MCC: variants seen among roughly 807,000 people sequenced by gnomAD.
MCC encodes MCC regulator of Wnt signaling pathway, also known as colorectal mutant cancer protein.
In MCC, 90 loss-of-function variants were observed where a neutral mutation model predicts 116.2. The ratio of observed to expected loss-of-function variants is 0.77; its 90% confidence interval spans 0.65 to 0.92. The LOEUF is 0.92. Among genes scored for constraint, MCC ranks in the 40% least tolerant of loss-of-function variants. The pLI is 0.00. For synonymous variants in MCC, 578 were observed against 510.5 expected (o/e 1.13, Z -1.78); for missense variants, 1,516 against 1,312.2 (o/e 1.16, Z -2.40).
intron 3 of MCC, among the ~76,000 whole-genome samples, chr5:113,223,197 C>T (rs1050685814): frequency 2.0e-5 from 3 of 152,280 alleles, no homozygotes; most frequent in East Asian, 1.9e-4. Context: ...TATCATGCAA[C>T]GTCTCATGTG....
intron 3 of MCC, among the ~76,000 whole-genome samples, chr5:113,317,237 T>C (rs1437855693): frequency 6.6e-6 from 1 of 152,210 alleles, no homozygotes; most frequent in Non-Finnish European, 1.5e-5. Context: ...CACTTTAGCA[T>C]ATGAATTAAA....
intron 1 of MCC, among the ~76,000 whole-genome samples, chr5:113,441,486 T>C (rs549092463): frequency 6.6e-6 from 1 of 151,608 alleles, no homozygotes; most frequent in African/African-American, 2.4e-5. Context: ...CTCTATCACT[T>C]ATTATTTTTT....
At chr5:113,334,751 C>T (rs911221252) in intron 3 of MCC, among the ~76,000 whole-genome samples, 4 of 150,960 alleles carry the variant, frequency 2.6e-5, no homozygotes, top group Admixed American at 6.6e-5. Flanking sequence ...CCACCACACC[C>T]GGCTAATTTT....
chr5:113,364,348 T>A (rs1208727459), intron 2 of MCC, among the ~76,000 whole-genome samples: 1 of 141,870 alleles, frequency 7.0e-6, no homozygotes, highest in Non-Finnish European at 1.5e-5. Context: ...TCCAAAATAA[T>A]CTCCTTTGAC....
chr5:113,440,906 G>A (rs1484286717), intron 1 of MCC, among the ~76,000 whole-genome samples: 1 of 152,210 alleles, frequency 6.6e-6, no homozygotes, highest in Non-Finnish European at 1.5e-5. Context: ...ATCATAGTGT[G>A]ACAGGGACAA....
At chr5:113,332,530 T>A (rs1029135374) in intron 3 of MCC, among the ~76,000 whole-genome samples, 1 of 139,052 alleles carries the variant, frequency 7.2e-6, no homozygotes, top group African/African-American at 2.8e-5. Flanking sequence ...AGCCAGTGCA[T>A]TCCAGCATGG....
In MCC at chr5:113,039,531, A is replaced by G. The variant is rs78692055; in HGVS notation, c.2756+3999T>C. Among the ~76,000 whole-genome samples, 1,127 of 152,342 alleles carry G rather than the reference A, an allele frequency of 7.4e-3. 19 individuals carry two copies. The highest frequency in any genetic ancestry group is 0.026 in the African/African-American group (1,081 of 41,574). ...GTTTCTCACTGCCCAGACCAGCCAC[A>G]CAGCAGGTAGTCTTCAGATAAACGA... On this transcript the variant is annotated intron_variant, in intron 17 of 18. Transcript: ENST00000408903.
chr5:113,136,300 G>C (rs947497922), intron 5 of MCC, among the ~76,000 whole-genome samples: 13 of 152,102 alleles, frequency 8.5e-5, no homozygotes, highest in Admixed American at 7.9e-4. Flanking sequence ...TCCTGAAGAA[G>C]TCTGCTTTTA....
At chr5:113,403,528 T>C (rs918231344) in intron 1 of MCC, among the ~76,000 whole-genome samples, 1 of 152,206 alleles carries the variant, frequency 6.6e-6, no homozygotes, top group African/African-American at 2.4e-5. Context: ...ACAAATCATA[T>C]CACAGATTAT....
At chr5:113,054,300 A>G (rs894547248) in intron 14 of MCC, among the ~76,000 whole-genome samples, 1 of 152,252 alleles carries the variant, frequency 6.6e-6, no homozygotes, top group Non-Finnish European at 1.5e-5. Context: ...AAGGAGGGAA[A>G]TCATGTGGAC....
chr5:113,259,699 C>T (rs1765151135), intron 3 of MCC, among the ~76,000 whole-genome samples: 1 of 151,936 alleles, frequency 6.6e-6, no homozygotes, highest in Admixed American at 6.6e-5. Context: ...CATGTTAACC[C>T]ATTTATGCCT....
intron 1 of MCC, among the ~76,000 whole-genome samples, chr5:113,444,976 G>C (rs1031146239): frequency 6.6e-6 from 1 of 152,118 alleles, no homozygotes; most frequent in African/African-American, 2.4e-5. Context: ...GGCAGAGCTA[G>C]TAAAGGGCAG....
chr5:113,389,601 T>G (rs1214956320), intron 1 of MCC, among the ~76,000 whole-genome samples: 1 of 152,202 alleles, frequency 6.6e-6, no homozygotes, highest in East Asian at 1.9e-4. Flanking sequence ...CTTTGATTTC[T>G]TTCTCTCTTT....
At chr5:113,220,599 G>T (rs1479928402) in intron 3 of MCC, among the ~76,000 whole-genome samples, 1 of 152,018 alleles carries the variant, frequency 6.6e-6, no homozygotes, top group Non-Finnish European at 1.5e-5. Flanking sequence ...TACTGTTTTA[G>T]AATTTCAATT....
chr5:113,267,570 A>G (rs1765467351), intron 3 of MCC, among the ~76,000 whole-genome samples: 1 of 152,226 alleles, frequency 6.6e-6, no homozygotes, highest in Admixed American at 6.5e-5. Context: ...CCTGATGGCC[A>G]AACCAAAATC....
intron 1 of MCC, among the ~76,000 whole-genome samples, chr5:113,396,606 A>G (rs1161657860): frequency 6.6e-6 from 1 of 152,230 alleles, no homozygotes; most frequent in Non-Finnish European, 1.5e-5. Flanking sequence ...TCTGCACTCC[A>G]GCCTGGGTGA....
At chr5:113,473,264 C>A (rs1451207525) in intron 1 of MCC, among the ~76,000 whole-genome samples, 1 of 152,128 alleles carries the variant, frequency 6.6e-6, no homozygotes, top group Non-Finnish European at 1.5e-5. Context: ...GGGCTCACAC[C>A]TGTAATCCGA....
At chr5:113,077,258 G>T (rs192921959) in intron 11 of MCC, among the ~76,000 whole-genome samples, 53 of 152,248 alleles carry the variant, frequency 3.5e-4, no homozygotes, top group Non-Finnish European at 7.2e-4. Context: ...GAGACAGAAA[G>T]TTAACAAGGA....
intron 3 of MCC, among the ~76,000 whole-genome samples, chr5:113,170,359 A>G (rs1176926279): frequency 6.6e-6 from 1 of 152,164 alleles, no homozygotes; most frequent in Non-Finnish European, 1.5e-5. Context: ...TGGGCAATAT[A>G]CCATATTCCT....
Sources: allele counts gnomAD v4.1 joint callset (sites outside exome capture counted in the v4.1 genomes callset), GRCh38; gene constraint gnomAD v4.1.1; transcripts MANE v1.5; gene names NCBI Gene and HGNC (gene_info 2026-07-23, HGNC 2026-07-21).